Variants in NREP observed in about 807,000 individuals in gnomAD.
NREP encodes the protein neuronal regeneration-related protein.
In NREP, 5 loss-of-function variants were observed where a neutral mutation model predicts 8.6. The ratio of observed to expected loss-of-function variants is 0.58; its 90% confidence interval spans 0.30 to 1.22. NREP has a LOEUF of 1.22. Among genes scored for constraint, NREP ranks in the 50% most tolerant of loss-of-function variants. NREP has a pLI of 0.07. For missense variants in NREP, 86 were observed against 82.5 expected (o/e 1.04, Z -0.17); for synonymous variants, 27 against 28.0 (o/e 0.96, Z 0.11).
chr5:111,768,394 T>C (rs901633864), intron 2 of NREP, among the ~76,000 whole-genome samples: 13 of 152,208 alleles, frequency 8.5e-5, no homozygotes, highest in African/African-American at 3.1e-4. Context: ...ATTCAGGGGG[T>C]ACATATGCAT....
chr5:111,915,149 T>C (rs992215919), intron 2 of NREP, among the ~76,000 whole-genome samples: 10 of 152,126 alleles, frequency 6.6e-5, no homozygotes, highest in Non-Finnish European at 1.5e-4. Context: ...TACTGAGCTA[T>C]GCACACAGGG....
chr5:111,942,108 A>G (rs895067341), intron 2 of NREP, among the ~76,000 whole-genome samples: 3 of 152,066 alleles, frequency 2.0e-5, no homozygotes, highest in African/African-American at 7.2e-5. Flanking sequence ...AAAAACAGTT[A>G]TATTAACTTA....
intron 2 of NREP, among the ~76,000 whole-genome samples, chr5:111,746,664 G>A (rs1449553387): frequency 6.6e-6 from 1 of 152,080 alleles, no homozygotes; most frequent in Non-Finnish European, 1.5e-5. Context: ...TATACAATTA[G>A]CATCTTATCA....
chr5:111,876,442 T>C (rs2112505283), intron 2 of NREP, among the ~76,000 whole-genome samples: 2 of 152,262 alleles, frequency 1.3e-5, no homozygotes, highest in East Asian at 3.9e-4. Flanking sequence ...GGGTACCAAT[T>C]GATCAACTTT....
At chr5:111,810,279 T>C (rs948746282) in intron 2 of NREP, among the ~76,000 whole-genome samples, 4 of 152,256 alleles carry the variant, frequency 2.6e-5, no homozygotes, top group Non-Finnish European at 4.4e-5. Context: ...AGATGGTTGG[T>C]AGCAGCTCAA....
intron 2 of NREP, among the ~76,000 whole-genome samples, chr5:111,829,800 A>G (rs1752719532): frequency 6.6e-6 from 1 of 152,176 alleles, no homozygotes; most frequent in Non-Finnish European, 1.5e-5. Flanking sequence ...TACTGAATTT[A>G]TCCAACCCAT....
At chr5:111,856,282 G>A (rs1215238759) in intron 2 of NREP, among the ~76,000 whole-genome samples, 1 of 152,096 alleles carries the variant, frequency 6.6e-6, no homozygotes, top group Non-Finnish European at 1.5e-5. Context: ...AAGGTTAATG[G>A]ACTTGCTTAA....
intron 3 of NREP, chr5:111,732,957 T>A (rs895120596): frequency 6.6e-6 from 1 of 152,212 alleles, no homozygotes; most frequent in Non-Finnish European, 1.5e-5. Flanking sequence ...AACGTTAGTG[T>A]ATCTCTCTAT....
chr5:111,757,689 C>T (rs1353510161), upstream of NREP: 2 of 984,142 alleles, frequency 2.0e-6, no homozygotes, highest in Non-Finnish European at 2.4e-6. Flanking sequence ...CGCGGCGCCC[C>T]GGGGAGACAA....
chr5:111,888,350 G>T (rs980601085), intron 2 of NREP, among the ~76,000 whole-genome samples: 5 of 151,916 alleles, frequency 3.3e-5, no homozygotes, highest in Admixed American at 6.6e-5. Flanking sequence ...GGCGGGGGGG[G>T]TCTCAGGAAA....
chr5:111,751,191 G>C lies in NREP; in HGVS notation c.3+4579C>G, dbSNP rs551830713. 2.0e-5 allele frequency among the ~76,000 whole-genome samples: 3 copies of C among 152,084 alleles called. No homozygotes were observed. In the East Asian group the frequency reaches 5.8e-4, roughly 29 times the overall value. On this transcript the variant is annotated intron_variant, in intron 2 of 3. Transcript: ENST00000257435. ...ATATGAAGTTTATAAAACCTTCTGG[G>C]GCCTATAATTTAGTTGAGCAAGGAA...
chr5:111,752,660 C>T (rs1417103176), intron 2 of NREP, among the ~76,000 whole-genome samples: 12 of 152,146 alleles, frequency 7.9e-5, no homozygotes. Context: ...ATGGAGTCAA[C>T]TCATCTGTTT....
chr5:111,937,049 C>A (rs1755704695), intron 2 of NREP, among the ~76,000 whole-genome samples: 1 of 152,074 alleles, frequency 6.6e-6, no homozygotes, highest in Non-Finnish European at 1.5e-5. Flanking sequence ...GGATTAATTT[C>A]TTTACAATTG....
At chr5:111,912,046 G>C (rs868017607) in intron 2 of NREP, among the ~76,000 whole-genome samples, 197 of 152,088 alleles carry the variant, frequency 1.3e-3, no homozygotes, top group African/African-American at 4.6e-3. Context: ...ACCTTATAAA[G>C]ATGTAAATTT....
chr5:111,926,906 T>C (rs1755403359), intron 2 of NREP, among the ~76,000 whole-genome samples: 1 of 151,248 alleles, frequency 6.6e-6, no homozygotes, highest in Non-Finnish European at 1.5e-5. Context: ...CCTCCATCCA[T>C]GGACCCGGAG....
upstream of NREP, chr5:111,757,426 G>T: frequency 1.0e-6 from 1 of 980,980 alleles, no homozygotes; most frequent in South Asian, 4.7e-5. Context: ...TTCTCTAAGA[G>T]TCTCTCTCTC....
In NREP at chr5:111,823,944, T is replaced by C. The variant is rs189212719; in HGVS notation, c.136-88437A>G. ...AAGTTTAGTTTTAGTGTAGCATGTA[T>C]CTAAGTACATAAATACATGCATACA... On this transcript the variant is annotated intron_variant, in intron 2 of 3. Coordinates refer to the NREP transcript ENST00000395634. Among the ~76,000 whole-genome samples, 342 of 152,340 alleles carry C rather than the reference T, an allele frequency of 2.2e-3. 1 individual carries two copies. Among genetic ancestry groups the C allele is most frequent in the Non-Finnish European group, 3.0e-3 (204 of 68,024 alleles).
chr5:111,970,526 T>C (rs1298132768), intron 2 of NREP, among the ~76,000 whole-genome samples: 1 of 152,032 alleles, frequency 6.6e-6, no homozygotes, highest in Non-Finnish European at 1.5e-5. Context: ...GCACTAGATA[T>C]GGCAAGAAGT....
At chr5:111,946,074 T>TCTCACA (rs148245048) in intron 2 of NREP, among the ~76,000 whole-genome samples, 30 of 126,928 alleles carry the variant, frequency 2.4e-4, no homozygotes, top group African/African-American at 7.1e-4. Flanking sequence ...GAGATTTTGA[T>TCTCACA]CACACACACA....
Sources: allele counts gnomAD v4.1 joint callset (sites outside exome capture counted in the v4.1 genomes callset), GRCh38; gene constraint gnomAD v4.1.1; transcripts MANE v1.5; gene names NCBI Gene and HGNC (gene_info 2026-07-23, HGNC 2026-07-21).